Variants in SLCO2B1 observed in about 807,000 individuals in gnomAD.
SLCO2B1 encodes solute carrier organic anion transporter family member 2B1.
SLCO2B1 carries 41 observed loss-of-function variants against 67.3 expected under a neutral mutation model. That is an observed-to-expected ratio of 0.61 (90% CI 0.47 to 0.79). SLCO2B1 has a LOEUF of 0.79. Ranked by LOEUF, SLCO2B1 falls within the 30% of genes least tolerant of loss-of-function variation. SLCO2B1 has a pLI of 0.00. For synonymous variants in SLCO2B1, 379 were observed against 381.4 expected, an observed-to-expected ratio of 0.99 and a Z score of 0.07; for missense variants, 837 against 920.1, an observed-to-expected ratio of 0.91 and a Z score of 1.17.
chr11:75,171,302 C>A (rs1477475151), intron 6 of SLCO2B1, among the ~76,000 whole-genome samples: 1 of 152,108 alleles, frequency 6.6e-6, no homozygotes, highest in Non-Finnish European at 1.5e-5. Context: ...TCTCACTCTG[C>A]CCCTCATGCA....
Position 75,165,928 on chromosome 11 carries a change from C to A in SLCO2B1, c.427C>A (p.Arg143Ser), listed in dbSNP as rs375353895. ...TLPHFISEPY[R>S]YDNTSPEDMP... is the part of the protein sequence containing the mutation. ...CCCGCACTTCATCTCGGAGCCATAC[C>A]GCTACGACAACACCAGCCCTGGTAA... Residue 143 changes from arginine to serine, a missense_variant, in exon 4 of 14, where the codon CGC becomes AGC. By Grantham distance (110) the Arg-to-Ser change is moderately radical. Transcript: ENST00000289575. 1.9e-6 allele frequency: 3 copies of A among 1,614,070 alleles called. No individual in the cohort carries two copies. The highest frequency in any genetic ancestry group is 1.1e-5 in the South Asian group (1 of 91,076).
At chr11:75,176,476 T>C (rs1950025194) in intron 7 of SLCO2B1, among the ~76,000 whole-genome samples, 1 of 152,164 alleles carries the variant, frequency 6.6e-6, no homozygotes, top group African/African-American at 2.4e-5. Flanking sequence ...AATTATATGG[T>C]TTTAAAGTCT....
intron 7 of SLCO2B1, among the ~76,000 whole-genome samples, chr11:75,184,156 T>C (rs1025651481): frequency 7.9e-5 from 12 of 152,180 alleles, no homozygotes; most frequent in Admixed American, 3.3e-4. Context: ...CCCAAAAGCC[T>C]GGCATTGGCT....
Position 75,156,714 on chromosome 11 carries a change from C to G in SLCO2B1, c.16+5317C>G, listed in dbSNP as rs1591806492. On this transcript the variant is annotated intron_variant, in intron 1 of 13. Transcript: ENST00000289575. ...TAAAGGAATAAAAGAATGGCTACTC[C>G]ATAGGCAGAGCAGCCCCGAGGGCTG... Among the ~76,000 whole-genome samples the G allele has an allele frequency of 2.0e-5, 3 of 152,228 alleles. No homozygotes were observed. In the South Asian group the frequency reaches 6.2e-4, roughly 32 times the overall value.
At chr11:75,171,528 G>A (rs574742169) in intron 6 of SLCO2B1, among the ~76,000 whole-genome samples, 1 of 152,334 alleles carries the variant, frequency 6.6e-6, no homozygotes, top group East Asian at 1.9e-4. Flanking sequence ...AAAGTGCTGG[G>A]ATTACAGGCT....
At chr11:75,177,175 T>TACAC (rs111442424) in intron 7 of SLCO2B1, among the ~76,000 whole-genome samples, 2,974 of 149,646 alleles carry the variant, frequency 0.02, 91 homozygotes, top group African/African-American at 0.067. Flanking sequence ...TCCACCCCTC[T>TACAC]ACACACACAC....
intron 4 of SLCO2B1, 31 bp from the exon 5 acceptor site, chr11:75,169,142 G>C: frequency 6.4e-7 from 1 of 1,564,780 alleles, no homozygotes; most frequent in Non-Finnish European, 8.8e-7. Context: ...CTTAGCTATT[G>C]TTATAATATT....
At chr11:75,151,520 A>G (rs1025775346) in intron 1 of SLCO2B1, 123 bp downstream of exon 1, 22 of 972,890 alleles carry the variant, frequency 2.3e-5, no homozygotes, top group Non-Finnish European at 9.6e-6. Context: ...GTTGGCACAG[A>G]GCCAGGCACA....
chr11:75,172,462 C>T lies in SLCO2B1; in HGVS notation c.865C>T (p.Leu289=). Residue 289 remains leucine, a synonymous_variant, in exon 7 of 14, where the codon CTG becomes TTG. Coordinates refer to ENST00000289575, the MANE Select transcript of SLCO2B1 (RefSeq NM_007256.5). ...CCTCATCGCTGCCGGTGCAGTGGCC[C>T]TGGCTGCCATCCCCTACTTCTTCTT... is the stretch of plus-strand genomic sequence containing the variant. ...GFLIAAGAVA[L]AAIPYFFFPK... 1 of 1,614,202 alleles carries T rather than the reference C, an allele frequency of 6.2e-7. No individual in the cohort carries two copies. The highest frequency in any genetic ancestry group is 8.5e-7 in the Non-Finnish European group (1 of 1,180,026).
chr11:75,152,349 C>T (rs1949702434), intron 1 of SLCO2B1: 1 of 152,378 alleles, frequency 6.6e-6, no homozygotes, highest in African/African-American at 2.4e-5. Flanking sequence ...CCACTTGCTC[C>T]CAGAAGCCCA....
At chr11:75,194,011 G>A (rs1212982692) in intron 9 of SLCO2B1, among the ~76,000 whole-genome samples, 3 of 152,190 alleles carry the variant, frequency 2.0e-5, no homozygotes, top group African/African-American at 7.2e-5. Context: ...GGATGAGAGG[G>A]TGAGCAAGGG....
chr11:75,169,801 T>A, intron 6 of SLCO2B1, 37 bp downstream of exon 6: 7 of 1,520,374 alleles, frequency 4.6e-6, no homozygotes, highest in Non-Finnish European at 6.4e-6. Flanking sequence ...AGACCCTAGC[T>A]AACTGACTGC....
At chr11:75,183,851 C>T (rs1404886147) in intron 7 of SLCO2B1, among the ~76,000 whole-genome samples, 3 of 152,266 alleles carry the variant, frequency 2.0e-5, no homozygotes, top group Non-Finnish European at 4.4e-5. Flanking sequence ...AGCTTGAGCT[C>T]GGATCTGAGT....
At chr11:75,173,352 G>A (rs1949987624) in intron 7 of SLCO2B1, among the ~76,000 whole-genome samples, 1 of 152,224 alleles carries the variant, frequency 6.6e-6, no homozygotes, top group African/African-American at 2.4e-5. Flanking sequence ...AGGCACAGAA[G>A]CACCCTGCAT....
chr11:75,159,794 C>T (rs1949792810), intron 1 of SLCO2B1: 3 of 976,264 alleles, frequency 3.1e-6, no homozygotes, highest in South Asian at 9.5e-5. Context: ...AGCCATATCT[C>T]TAAAGGATAA....
Position 75,200,278 on chromosome 11 carries a change from T to C in SLCO2B1, c.1654T>C (p.Ser552Pro). ...GGAGGGCAACCCCGTGCTGGCAGGA[T>C]CCTGCGACTCAACGTGCAGCCATCT... ...VVEGNPVLAGSCDSTCSHLVV... is the reference protein window; with the variant it reads ...VVEGNPVLAGPCDSTCSHLVV... Residue 552 changes from serine to proline, a missense_variant, in exon 11 of 14, where the codon TCC (serine) becomes CCC (proline). Physicochemically the swap from Ser to Pro is moderately conservative, Grantham distance 74 (BLOSUM62 -1). Transcript: ENST00000289575. 6.2e-7 allele frequency: 1 copy of C among 1,613,974 alleles called. No homozygotes were observed.
chr11:75,205,814 G>A lies in SLCO2B1; in HGVS notation c.*1234G>A, dbSNP rs1945267092. 1.3e-5 allele frequency: 2 copies of A among 152,184 alleles called. No homozygotes were observed. The highest frequency in any genetic ancestry group is 2.4e-5 in the African/African-American group (1 of 41,432). The allele number at this position is 152,184 out of a possible 1,614,324, so 9.4% of individuals were successfully genotyped here. A position where few individuals can be genotyped will look rare whatever the true frequency, so the allele number is the denominator to read the frequency against. On this transcript the variant is annotated 3_prime_UTR_variant, in exon 14 of 14. Coordinates refer to ENST00000289575, the MANE Select transcript of SLCO2B1 (RefSeq NM_007256.5). Reference sequence around the variant, plus strand: ...CCTGGTTATTTCCTTGCGGGGAGGAGAGGGTTTGCTAATCTGCTCCCAGCC... The same window carrying A: ...CCTGGTTATTTCCTTGCGGGGAGGAAAGGGTTTGCTAATCTGCTCCCAGCC...
intron 1 of SLCO2B1, among the ~76,000 whole-genome samples, chr11:75,155,805 C>G (rs1379888294): frequency 2.0e-5 from 3 of 152,186 alleles, no homozygotes; most frequent in African/African-American, 7.2e-5. Context: ...GGAAGAAGAA[C>G]ACTCCACGCT....
At position 75,176,314 on chromosome 11, in the gene SLCO2B1, G is replaced by A. The variant is rs575906337; in HGVS notation, c.972+3745G>A. On this transcript the variant is annotated intron_variant, in intron 7 of 13. Coordinates refer to ENST00000289575, the MANE Select transcript of SLCO2B1 (RefSeq NM_007256.5). The stretch of plus-strand genomic sequence containing the variant: ...GGGACTGGGTCAGGGGCTCAGAGGG[G>A]CCCAGAGAGCTACTTCCTGGCAGGC... Among the ~76,000 whole-genome samples the A allele has an allele frequency of 1.8e-4, 27 of 151,938 alleles. 1 individual carries two copies. Among genetic ancestry groups the A allele is most frequent in the African/African-American group, 6.6e-4 (27 of 41,196 alleles).
Sources: allele counts gnomAD v4.1 joint callset (sites outside exome capture counted in the v4.1 genomes callset), GRCh38; gene constraint gnomAD v4.1.1; transcripts MANE v1.5; gene names NCBI Gene and HGNC (gene_info 2026-07-23, HGNC 2026-07-21).